The following TANC1 variants were observed in gnomAD, a reference collection of about 807,000 sequenced individuals.
TANC1 encodes the protein protein TANC1.
Under a neutral mutation model 149.7 loss-of-function variants are expected in TANC1, and 77 were observed. The observed-to-expected ratio is 0.51, with a 90% CI of 0.43 to 0.62. The LOEUF (loss-of-function observed/expected upper bound fraction) is 0.62. TANC1 is among the 20% of genes least tolerant of loss of function. The probability of loss-of-function intolerance (pLI) is 0.00; values close to 1 mark genes in which losing one functional copy is unlikely to be tolerated. For synonymous variants in TANC1, 854 were observed against 925.0 expected (o/e 0.92, Z 1.39); for missense variants, 1,985 against 2,321.8 (o/e 0.85, Z 2.98).
At chr2:159,107,290 G>A (rs1356256354) in intron 4 of TANC1, among the ~76,000 whole-genome samples, 2 of 152,114 alleles carry the variant, frequency 1.3e-5, no homozygotes, top group African/African-American at 4.8e-5. Context: ...GCTTTCCAAA[G>A]TGCTGGGATT....
chr2:159,159,284 A>G (rs1000890513), intron 7 of TANC1, among the ~76,000 whole-genome samples: 2 of 151,914 alleles, frequency 1.3e-5, no homozygotes, highest in African/African-American at 4.8e-5. Flanking sequence ...TGTCTCTACA[A>G]AAATATAAAA....
At chr2:159,085,139 G>T (rs1428257412) in intron 3 of TANC1, among the ~76,000 whole-genome samples, 1 of 152,186 alleles carries the variant, frequency 6.6e-6, no homozygotes, top group African/African-American at 2.4e-5. Flanking sequence ...GGAAGACTGG[G>T]TGAGTCCTCA....
intron 19 of TANC1, among the ~76,000 whole-genome samples, chr2:159,212,638 C>T (rs541546001): frequency 6.7e-4 from 102 of 152,144 alleles, no homozygotes; most frequent in African/African-American, 2.4e-3. Context: ...AACCATCATC[C>T]CGGCTGGGCA....
At chr2:159,117,842 C>T (rs989147983) in intron 4 of TANC1, among the ~76,000 whole-genome samples, 4 of 150,210 alleles carry the variant, frequency 2.7e-5, no homozygotes, top group Non-Finnish European at 4.4e-5. Context: ...CTCAGACTTT[C>T]CTTGTTTTGA....
chr2:159,193,910 G>A (rs1344044521), intron 16 of TANC1, among the ~76,000 whole-genome samples: 1 of 151,914 alleles, frequency 6.6e-6, no homozygotes, highest in Non-Finnish European at 1.5e-5. Context: ...GCAGCAGGCT[G>A]TTCACAGGCA....
chr2:159,082,035 C>T (rs1333784249), intron 3 of TANC1, among the ~76,000 whole-genome samples: 1 of 152,220 alleles, frequency 6.6e-6, no homozygotes, highest in Non-Finnish European at 1.5e-5. Flanking sequence ...TGCTGCCCAG[C>T]CCTGCCCTGC....
At chr2:159,105,448 A>G (rs1039148319) in intron 4 of TANC1, among the ~76,000 whole-genome samples, 2 of 152,228 alleles carry the variant, frequency 1.3e-5, no homozygotes, top group African/African-American at 4.8e-5. Flanking sequence ...ACGTTGTTGT[A>G]CAACCCATCT....
intron 19 of TANC1, among the ~76,000 whole-genome samples, chr2:159,214,928 G>A (rs971232617): frequency 2.6e-5 from 4 of 152,154 alleles, no homozygotes; most frequent in Non-Finnish European, 5.9e-5. Context: ...GAGGAATAGG[G>A]CGTGGAACAT....
At chr2:159,220,023 T>TGTGTGTGTG (rs1553616327) in intron 22 of TANC1, among the ~76,000 whole-genome samples, 156 bp downstream of exon 22, 1 of 148,782 alleles carries the variant, frequency 6.7e-6, no homozygotes, top group African/African-American at 2.5e-5. Flanking sequence ...TGTGTGTGTC[T>TGTGTGTGTG]TGTCAGGGAT....
Position 158,979,493 on chromosome 2 carries a change from C to CA in TANC1, c.-126+10721dup, listed in dbSNP as rs796120375. The stretch of plus-strand genomic sequence containing the variant: ...TTGGCGACAGAGCAAGTCCTTATCT[C>CA]AAAAAAAAAAGAAAAAAGAAAAAAA... On this transcript the variant is annotated intron_variant, in intron 1 of 26. Coordinates refer to ENST00000263635, the MANE Select transcript of TANC1 (RefSeq NM_033394.3). Among the ~76,000 whole-genome samples, 783 of 124,892 alleles carry CA rather than the reference C, an allele frequency of 6.3e-3. 6 individuals are homozygous for CA. Among genetic ancestry groups the CA allele is most frequent in the African/African-American group, 0.02 (654 of 33,272 alleles). 81.9% of individuals were successfully genotyped at this position (124,892 alleles called of 152,430 possible).
intron 11 of TANC1, among the ~76,000 whole-genome samples, chr2:159,173,095 A>T (rs1051931380): frequency 6.6e-6 from 1 of 152,098 alleles, no homozygotes; most frequent in African/African-American, 2.4e-5. Context: ...GTGATTTGAG[A>T]TGAGTGATGT....
chr2:158,987,197 G>A (rs190931955), intron 1 of TANC1, among the ~76,000 whole-genome samples: 24 of 135,254 alleles, frequency 1.8e-4, no homozygotes, highest in African/African-American at 5.9e-4. Flanking sequence ...CTGGGTGACA[G>A]AGCAAGACTC....
At chr2:158,997,032 ACCTG>A (rs1284525489) in intron 1 of TANC1, among the ~76,000 whole-genome samples, 5 of 152,172 alleles carry the variant, frequency 3.3e-5, no homozygotes, top group Admixed American at 3.3e-4. Flanking sequence ...AAAAGAATCT[ACCTG>A]CTTTACAGTT....
intron 2 of TANC1, among the ~76,000 whole-genome samples, chr2:159,035,121 A>G (rs370406662): frequency 1.3e-5 from 2 of 152,250 alleles, no homozygotes; most frequent in East Asian, 1.9e-4. Flanking sequence ...GAATACTTCT[A>G]TTGGATAAAC....
At chr2:159,013,197 T>TA (rs1431417884) in intron 2 of TANC1, among the ~76,000 whole-genome samples, 1 of 152,148 alleles carries the variant, frequency 6.6e-6, no homozygotes, top group Non-Finnish European at 1.5e-5. Flanking sequence ...GAAAATCAAT[T>TA]ATGTATTTAG....
intron 4 of TANC1, among the ~76,000 whole-genome samples, chr2:159,125,083 A>T (rs913715606): frequency 2.6e-5 from 4 of 152,168 alleles, no homozygotes; most frequent in African/African-American, 7.2e-5. Context: ...TACTACCAAA[A>T]GTCAGAGGAA....
chr2:159,095,037 C>G (rs2045955904), intron 3 of TANC1, among the ~76,000 whole-genome samples: 1 of 150,680 alleles, frequency 6.6e-6, no homozygotes, highest in Admixed American at 6.6e-5. Flanking sequence ...CCTCTGCTTC[C>G]TGGGTTCAAG....
chr2:159,066,665 T>C (rs555885763), intron 3 of TANC1, among the ~76,000 whole-genome samples: 1 of 152,328 alleles, frequency 6.6e-6, no homozygotes, highest in South Asian at 2.1e-4. Flanking sequence ...GACCAACTGC[T>C]GGCTGACTGG....
At chr2:159,177,590 A>G (rs978818862) in intron 13 of TANC1, among the ~76,000 whole-genome samples, 6 of 152,224 alleles carry the variant, frequency 3.9e-5, no homozygotes, top group Non-Finnish European at 7.3e-5. Flanking sequence ...GATCATAGGA[A>G]CCAGGAATCT....
Sources: allele counts gnomAD v4.1 joint callset (sites outside exome capture counted in the v4.1 genomes callset), GRCh38; gene constraint gnomAD v4.1.1; transcripts MANE v1.5; gene names NCBI Gene and HGNC (gene_info 2026-07-23, HGNC 2026-07-21).